The following WDR62 variants were observed in gnomAD, a reference collection of about 807,000 sequenced individuals.
WDR62 encodes WD repeat-containing protein 62.
A neutral mutation model predicts 160.6 loss-of-function variants in WDR62; 112 were observed. That is an observed-to-expected ratio of 0.70 (90% CI 0.60 to 0.82). The LOEUF (loss-of-function observed/expected upper bound fraction) is 0.82, where lower values mean the gene tolerates loss of function less well. WDR62 is among the 40% of genes least tolerant of loss of function. The pLI is 0.00. For synonymous variants in WDR62, 792 were observed against 815.1 expected, an observed-to-expected ratio of 0.97 and a Z score of 0.48; for missense variants, 1,819 against 1,983.8, an observed-to-expected ratio of 0.92 and a Z score of 1.58.
At chr19:36,082,526 C>G (rs1226166411) in intron 10 of WDR62, among the ~76,000 whole-genome samples, 1 of 152,194 alleles carries the variant, frequency 6.6e-6, no homozygotes, top group Non-Finnish European at 1.5e-5. Context: ...CCTGCAGGTG[C>G]ACCTTTATTA....
At position 36,059,368 on chromosome 19, in the gene WDR62, C is replaced by T. The variant is rs1271003785; in HGVS notation, c.269+497C>T. On this transcript the variant is annotated intron_variant, in intron 2 of 31. Coordinates refer to ENST00000401500, the MANE Select transcript of WDR62 (RefSeq NM_001083961.2). The stretch of plus-strand genomic sequence containing the variant: ...GTTTGTTTCCTTATCTATAAATGGG[C>T]CTAAATAGTCGTGACCTGACCTGGC... Among the ~76,000 whole-genome samples the T allele has an allele frequency of 2.0e-5, 3 of 152,122 alleles. No homozygotes were observed. The East Asian group carries it at 5.8e-4, about 29-fold the overall frequency.
At chr19:36,089,428 T>C (rs1972454912) in intron 15 of WDR62, 122 bp downstream of exon 15, 3 of 1,534,576 alleles carry the variant, frequency 2.0e-6, no homozygotes, top group Admixed American at 1.7e-5. Context: ...CCAGCAGGTG[T>C]TCCTTCTTGG....
rs143004535 is a variant in WDR62 at position 36,101,757 on chromosome 19, C to T, written c.3065C>T (p.Ser1022Leu). The change falls in exon 25 of 32, where the codon TCG (serine) becomes TTG (leucine). Residue 1022 changes from serine (S) to leucine (L), a missense_variant. Transcript: ENST00000401500. ...PPDPAPRFAT[S>L]LPHFPGCAGP... ...GACCCTGCCCCTCGGTTTGCCACGT[C>T]GCTGCCCCATTTCCCAGGTAAGCAG... 46 of 1,551,900 alleles carry T rather than the reference C, an allele frequency of 3.0e-5. No individual in the cohort carries two copies. In the Middle Eastern group the frequency reaches 1.0e-3, roughly 34 times the overall value.
At chr19:36,098,501 G>C (rs911478988) in intron 21 of WDR62, among the ~76,000 whole-genome samples, 2 of 150,878 alleles carry the variant, frequency 1.3e-5, no homozygotes, top group Admixed American at 6.6e-5. Context: ...GGAGGCAGAG[G>C]TTACAGTGAA....
At chr19:36,066,152 G>T in intron 4 of WDR62, 105 bp from the exon 5 acceptor site, 1 of 1,588,794 alleles carries the variant, frequency 6.3e-7, no homozygotes, top group Non-Finnish European at 8.6e-7. Flanking sequence ...GATGGGGGAG[G>T]TGGCTTTTGG....
chr19:36,073,752 G>A (rs963222468), intron 9 of WDR62: 26 of 620,924 alleles, frequency 4.2e-5, no homozygotes, highest in South Asian at 1.5e-4. Context: ...TGAATAACAC[G>A]CCAAGCAGCA....
At position 36,081,560 on chromosome 19, in the gene WDR62, T is replaced by G. The variant is rs1308204607; in HGVS notation, c.1361T>G (p.Ile454Ser). 1 of 1,614,096 alleles carries G rather than the reference T, an allele frequency of 6.2e-7. No individual in the cohort carries two copies. ...SSPDSHWQKN[I>S]FSNTLLKVVY... Reference sequence around the variant, plus strand: ...CCTGATTCTCACTGGCAGAAAAACATCTTCAGCAATGTGAGTGGCTTCCTT... The same window carrying G: ...CCTGATTCTCACTGGCAGAAAAACAGCTTCAGCAATGTGAGTGGCTTCCTT... Residue 454 changes from isoleucine to serine, a missense_variant, in exon 10 of 32, where the codon ATC becomes AGC. By Grantham distance (142) the Ile-to-Ser change is moderately radical. Coordinates refer to ENST00000401500, the MANE Select transcript of WDR62 (RefSeq NM_001083961.2).
At chr19:36,076,965 A>G (rs1568340478) in intron 9 of WDR62, among the ~76,000 whole-genome samples, 2 of 151,692 alleles carry the variant, frequency 1.3e-5, no homozygotes, top group South Asian at 2.1e-4. Context: ...GTATATATGT[A>G]TGTGTGTGTG....
downstream of WDR62, chr19:36,105,136 C>T: frequency 7.2e-7 from 1 of 1,394,500 alleles, no homozygotes; most frequent in Non-Finnish European, 9.7e-7. Context: ...TTGGGCCTAT[C>T]CACAAAGCCC....
chr19:36,073,541 C>A lies in WDR62; in HGVS notation c.1233+10C>A, dbSNP rs377282466. ...CGTTTGGAACGTGGAGGTGAGCCCC[C>A]CCCCCACCCCCTTGCCCCTGCTTGG... On this transcript the variant is annotated intron_variant, in intron 9 of 31. Coordinates refer to ENST00000401500, the MANE Select transcript of WDR62 (RefSeq NM_001083961.2). 12 of 1,251,800 alleles carry A rather than the reference C, an allele frequency of 9.6e-6. No individual in the cohort carries two copies. The highest frequency in any genetic ancestry group is 7.5e-5 in the African/African-American group (5 of 66,260). The allele number at this position is 1,251,800 out of a possible 1,614,324, so 77.5% of individuals were successfully genotyped here.
At chr19:36,069,220 C>T (rs1317880834) in intron 7 of WDR62, among the ~76,000 whole-genome samples, 1 of 151,454 alleles carries the variant, frequency 6.6e-6, no homozygotes, top group African/African-American at 2.4e-5. Flanking sequence ...CGGAGACGCT[C>T]CTCACTTCCC....
chr19:36,102,556 C>T (rs544571191), intron 26 of WDR62, 181 bp from the exon 27 acceptor site: 179 of 628,992 alleles, frequency 2.8e-4, no homozygotes, highest in Non-Finnish European at 4.5e-4. Context: ...CCACCGTGCC[C>T]GGCCCACTGC....
chr19:36,055,162 C>A lies in WDR62; in HGVS notation c.177+14C>A. 6.2e-7 allele frequency: 1 copy of A among 1,603,504 alleles called. No homozygotes were observed. The highest frequency in any genetic ancestry group is 8.5e-7 in the Non-Finnish European group (1 of 1,176,034). ...GTGCAGAACCGGGTGAGAAGCTGCT[C>A]GCCATGTCTACCCCAGTTCCAGGCT... On this transcript the variant is annotated intron_variant, in intron 1 of 31. Transcript: ENST00000401500.
chr19:36,101,778 A>G lies in WDR62; in HGVS notation c.3082+4A>G, dbSNP rs1319120530. 1.3e-6 allele frequency: 2 copies of G among 1,550,952 alleles called. No homozygotes were observed. The highest frequency in any genetic ancestry group is 1.7e-6 in the Non-Finnish European group (2 of 1,146,680). ...ACGTCGCTGCCCCATTTCCCAGGTA[A>G]GCAGGGGCCAGACACGCAGGGGACT... On this transcript the variant is annotated splice_donor_region_variant and intron_variant, in intron 25 of 31. Transcript: ENST00000401500.
At chr19:36,055,229 G>C (rs918830599) in intron 1 of WDR62, 81 bp downstream of exon 1, 7 of 1,483,134 alleles carry the variant, frequency 4.7e-6, no homozygotes, top group Non-Finnish European at 5.5e-6. Flanking sequence ...CTGTGGCCCC[G>C]ACATCAGCCC....
At position 36,102,600 on chromosome 19, in the gene WDR62, C is replaced by T. The variant is rs77140368; in HGVS notation, c.3221-137C>T. The stretch of plus-strand genomic sequence containing the variant: ...TGACCTGAGCCTCACGATGCCTCCT[C>T]ACCCACTGCCCCTGCTCGTACCCTG... On this transcript the variant is annotated intron_variant, in intron 26 of 31. Coordinates refer to ENST00000401500, the MANE Select transcript of WDR62 (RefSeq NM_001083961.2). The T allele has an allele frequency of 9.2e-5, 66 of 717,970 alleles. No homozygotes were observed. In the African/African-American group the frequency reaches 1.1e-3, roughly 12 times the overall value. 44.5% of individuals were successfully genotyped at this position (717,970 alleles called of 1,614,324 possible). A position where few individuals can be genotyped will look rare whatever the true frequency, so the allele number is the denominator to read the frequency against.
Position 36,055,121 on chromosome 19 carries a change from G to A in WDR62, c.150G>A (p.Thr50=), listed in dbSNP as rs753292471. Residue 50 remains threonine (T), a synonymous_variant, in exon 1 of 32, where the codon ACG becomes ACA. Transcript: ENST00000401500. ...ICLRRRTRLS[T]ASEETVQNRV... is the part of the protein sequence containing the mutation. ...TACGGCGGCGGACGCGACTCTCGAC[G>A]GCCTCCGAGGAGACGGTGCAGAACC... 1 of 1,607,670 alleles carries A rather than the reference G, an allele frequency of 6.2e-7. No homozygotes were observed. The highest frequency in any genetic ancestry group is 2.2e-5 in the East Asian group (1 of 44,524).
downstream of WDR62, among the ~76,000 whole-genome samples, chr19:36,106,708 G>GC (rs1392105710): frequency 2.6e-5 from 4 of 152,252 alleles, no homozygotes; most frequent in African/African-American, 4.8e-5. Context: ...AATGGAGTGA[G>GC]CAAGGGGAGG....
intron 7 of WDR62, among the ~76,000 whole-genome samples, chr19:36,070,059 A>G (rs1048178869): frequency 2.9e-5 from 4 of 139,738 alleles, no homozygotes; most frequent in South Asian, 4.7e-4. Flanking sequence ...GGAGAGGAGG[A>G]TTGCATTTTT....
Sources: gnomAD v4.1 joint callset for allele counts (sites outside exome capture counted in the v4.1 genomes callset) on GRCh38, gnomAD v4.1.1 for gene constraint, MANE v1.5 for transcripts, NCBI Gene and HGNC (gene_info 2026-07-23, HGNC 2026-07-21) for gene names.